Variants in FLI1 observed in about 807,000 individuals in gnomAD.
FLI1 encodes Friend leukemia integration 1 transcription factor.
A neutral mutation model predicts 53.1 loss-of-function variants in FLI1; 13 were observed. The ratio of observed to expected loss-of-function variants is 0.24; its 90% CI spans 0.16 to 0.39. The LOEUF (loss-of-function observed/expected upper bound fraction) is 0.39. Ranked by LOEUF, FLI1 falls within the 10% of genes least tolerant of loss-of-function variation. The pLI is 1.00. For missense variants in FLI1, 424 were observed against 600.5 expected (o/e 0.71, Z 3.07); for synonymous variants, 244 against 236.7 (o/e 1.03, Z -0.28).
At chr11:128,728,248 C>T (rs749362290) in intron 1 of FLI1, among the ~76,000 whole-genome samples, 4 of 152,236 alleles carry the variant, frequency 2.6e-5, no homozygotes, top group Admixed American at 6.5e-5. Flanking sequence ...CAGTGCACTT[C>T]CGGATTCCCT....
intron 1 of FLI1, among the ~76,000 whole-genome samples, chr11:128,698,733 TGAGA>T (rs1555106992): frequency 4.2e-4 from 56 of 133,812 alleles, no homozygotes; most frequent in East Asian, 2.4e-3. Flanking sequence ...TGTGTGTGTG[TGAGA>T]GAGAGAGAGA....
intron 1 of FLI1, among the ~76,000 whole-genome samples, chr11:128,736,902 G>A (rs551717129): frequency 6.6e-6 from 1 of 152,282 alleles, no homozygotes; most frequent in South Asian, 2.1e-4. Flanking sequence ...TGAGGGCAGA[G>A]CCTGACTCAG....
intron 1 of FLI1, among the ~76,000 whole-genome samples, chr11:128,740,025 G>A (rs935648581): frequency 2.0e-5 from 3 of 152,170 alleles, no homozygotes; most frequent in African/African-American, 4.8e-5. Flanking sequence ...CTTGGTTCAC[G>A]TGCCCTAATA....
At chr11:128,690,271 G>A (rs1937680602), upstream of FLI1, among the ~76,000 whole-genome samples, 1 of 152,212 alleles carries the variant, frequency 6.6e-6, no homozygotes, top group South Asian at 2.1e-4. Flanking sequence ...TGCCAGCTCG[G>A]ATACCCGCTG....
intron 1 of FLI1, among the ~76,000 whole-genome samples, chr11:128,757,114 C>CTTTCTTTCTT (rs1940923830): frequency 4.5e-5 from 3 of 66,826 alleles, no homozygotes; most frequent in Admixed American, 1.8e-4. Context: ...CTTTCTTTCT[C>CTTTCTTTCTT]TCTTTCTGTT....
At chr11:128,731,725 G>T (rs637469) in intron 1 of FLI1, among the ~76,000 whole-genome samples, 124,831 of 152,190 alleles carry the variant, frequency 0.82, 51,698 homozygotes, top group East Asian at 0.96. Context: ...TTAAGTAGAT[G>T]GGGCGCAGCG....
intron 1 of FLI1, among the ~76,000 whole-genome samples, chr11:128,713,765 C>T (rs572458962): frequency 1.8e-4 from 28 of 152,178 alleles, no homozygotes; most frequent in African/African-American, 5.1e-4. Flanking sequence ...ACATTTAGGC[C>T]GAACCCTGAA....
intron 1 of FLI1, among the ~76,000 whole-genome samples, chr11:128,737,413 G>A (rs185017385): frequency 8.5e-5 from 13 of 152,256 alleles, no homozygotes; most frequent in South Asian, 2.1e-4. Flanking sequence ...ACCGGAACAC[G>A]AGCTCTGTTC....
chr11:128,762,462 T>A (rs1044907687), intron 2 of FLI1, among the ~76,000 whole-genome samples: 12 of 152,238 alleles, frequency 7.9e-5, no homozygotes, highest in Non-Finnish European at 1.6e-4. Context: ...AAAATTGAAA[T>A]GTGCTCTAAA....
At chr11:128,768,418 G>T (rs554851773) in intron 3 of FLI1, 146 bp downstream of exon 3, 59 of 948,904 alleles carry the variant, frequency 6.2e-5, no homozygotes, top group African/African-American at 5.4e-4. Flanking sequence ...GTGGTGGCTC[G>T]CGCCTGTAAT....
intron 1 of FLI1, among the ~76,000 whole-genome samples, chr11:128,720,080 G>A (rs781040235): frequency 2.0e-5 from 3 of 152,172 alleles, no homozygotes. Flanking sequence ...GAAAGCAGCC[G>A]ATTCATATTT....
chr11:128,789,993 A>G (rs1352616060), intron 5 of FLI1, among the ~76,000 whole-genome samples: 1 of 151,704 alleles, frequency 6.6e-6, no homozygotes, highest in Non-Finnish European at 1.5e-5. Context: ...TTCTTCCTTT[A>G]TGATGAAATG....
rs536257075 is a variant in FLI1 at position 128,720,809 on chromosome 11, T to C, written c.18+26533T>C. Among the ~76,000 whole-genome samples, 295 of 152,308 alleles carry C rather than the reference T, an allele frequency of 1.9e-3. 2 individuals are homozygous for C. The highest frequency in any genetic ancestry group is 0.017 in the Middle Eastern group (5 of 294). On this transcript the variant is annotated intron_variant, in intron 1 of 8. Transcript: ENST00000527786. ...AGCTGCCTGCCTCTCTTTCTGCCCCTCACAGCAACAGGGTCAGCCGGGCTC... is the reference window on the plus strand; with the variant it reads ...AGCTGCCTGCCTCTCTTTCTGCCCCCCACAGCAACAGGGTCAGCCGGGCTC...
At chr11:128,738,641 G>A (rs928400292) in intron 1 of FLI1, among the ~76,000 whole-genome samples, 6 of 152,200 alleles carry the variant, frequency 3.9e-5, no homozygotes, top group Non-Finnish European at 5.9e-5. Flanking sequence ...TAGCTCAGGC[G>A]CAGTTTCTTT....
chr11:128,723,490 G>A (rs1023232630), intron 1 of FLI1, among the ~76,000 whole-genome samples: 1 of 152,126 alleles, frequency 6.6e-6, no homozygotes, highest in African/African-American at 2.4e-5. Flanking sequence ...GCACAAGGAT[G>A]GAGACATTCC....
upstream of FLI1, among the ~76,000 whole-genome samples, chr11:128,685,848 G>T (rs1208580902): frequency 6.6e-6 from 1 of 151,944 alleles, no homozygotes; most frequent in Non-Finnish European, 1.5e-5. Context: ...AGGAAGAGGA[G>T]AGATACGGCC....
upstream of FLI1, chr11:128,693,657 C>G (rs917269274): frequency 6.1e-5 from 14 of 230,844 alleles, no homozygotes; most frequent in Non-Finnish European, 5.1e-5. Context: ...AGCCAAAGGT[C>G]TTTGGCTTTG....
At chr11:128,715,585 T>A (rs1256234470) in intron 1 of FLI1, among the ~76,000 whole-genome samples, 1 of 152,130 alleles carries the variant, frequency 6.6e-6, no homozygotes, top group Non-Finnish European at 1.5e-5. Context: ...GTATCCCCCA[T>A]CCCACCTCAT....
chr11:128,781,021 G>C (rs899386579), intron 4 of FLI1, among the ~76,000 whole-genome samples: 3 of 152,122 alleles, frequency 2.0e-5, no homozygotes, highest in African/African-American at 7.3e-5. Context: ...TTTTAGGAAA[G>C]AAGGGAGAAT....
Sources: allele counts gnomAD v4.1 joint callset (sites outside exome capture counted in the v4.1 genomes callset), GRCh38; gene constraint gnomAD v4.1.1; transcripts MANE v1.5; gene names NCBI Gene and HGNC (gene_info 2026-07-23, HGNC 2026-07-21).